Variants in GPC5 observed in about 807,000 individuals in gnomAD.
GPC5 encodes the protein glypican-5.
Under a neutral mutation model 53.9 loss-of-function variants are expected in GPC5, and 47 were observed. That is an observed-to-expected ratio of 0.87 (90% CI 0.69 to 1.11). GPC5 has a LOEUF of 1.11. GPC5 is among the 50% of genes most tolerant of loss of function. The pLI is 0.00. For missense variants in GPC5, 748 were observed against 713.1 expected (o/e 1.05, Z -0.56); for synonymous variants, 286 against 263.3 (o/e 1.09, Z -0.84).
At chr13:92,429,500 C>A (rs1876991493) in intron 7 of GPC5, among the ~76,000 whole-genome samples, 1 of 150,902 alleles carries the variant, frequency 6.6e-6, no homozygotes, top group African/African-American at 2.4e-5. Context: ...TTATAAAATC[C>A]AAATTTTATA....
At chr13:91,758,875 A>G (rs2037351191) in intron 5 of GPC5, among the ~76,000 whole-genome samples, 2 of 152,150 alleles carry the variant, frequency 1.3e-5, no homozygotes, top group African/African-American at 4.8e-5. Flanking sequence ...CATCACCTTA[A>G]TGGACATTTT....
intron 6 of GPC5, among the ~76,000 whole-genome samples, chr13:92,140,235 A>G (rs1157098949): frequency 6.6e-6 from 1 of 152,228 alleles, no homozygotes; most frequent in African/African-American, 2.4e-5. Flanking sequence ...AAGTCATACA[A>G]TTTCTGGAAG....
intron 7 of GPC5, among the ~76,000 whole-genome samples, chr13:92,453,553 A>G (rs1327782959): frequency 6.6e-6 from 1 of 152,232 alleles, no homozygotes; most frequent in Non-Finnish European, 1.5e-5. Context: ...TCAAGTTTCT[A>G]TAATTTCTCA....
rs902295685 is a variant in GPC5, at chr13:92,490,783, T to A, written c.1561+345794T>A. On this transcript the variant is annotated intron_variant, in intron 7 of 7. Coordinates refer to ENST00000377067, the MANE Select transcript of GPC5 (RefSeq NM_004466.6). Reference sequence around the variant, plus strand: ...GTAACAGATAATGAACTAAAAATTTTCTTAAAAATAATTGACTGAAAAGAT... The same window carrying A: ...GTAACAGATAATGAACTAAAAATTTACTTAAAAATAATTGACTGAAAAGAT... Among the ~76,000 whole-genome samples, 12 of 152,264 alleles carry A rather than the reference T, an allele frequency of 7.9e-5. 1 individual carries two copies. Among genetic ancestry groups the A allele is most frequent in the Admixed American group, 7.2e-4 (11 of 15,286 alleles).
chr13:92,596,164 G>A (rs1052358762), intron 7 of GPC5, among the ~76,000 whole-genome samples: 1 of 150,270 alleles, frequency 6.7e-6, no homozygotes, highest in Non-Finnish European at 1.5e-5. Flanking sequence ...AAACAAGGCT[G>A]CACATTTAAC....
intron 7 of GPC5, among the ~76,000 whole-genome samples, chr13:92,618,687 T>TAAAAAAA (rs5805756): frequency 7.2e-6 from 1 of 137,990 alleles, no homozygotes; most frequent in African/African-American, 2.7e-5. Flanking sequence ...TAAAAAATGT[T>TAAAAAAA]AAAAAAAAAA....
chr13:91,624,135 G>A (rs72641479), intron 2 of GPC5, among the ~76,000 whole-genome samples: 7,346 of 152,142 alleles, frequency 0.048, 363 homozygotes, highest in South Asian at 0.23. Flanking sequence ...GGAAACATAA[G>A]CCAACTAAAT....
intron 7 of GPC5, among the ~76,000 whole-genome samples, chr13:92,317,802 C>A (rs1448709921): frequency 1.3e-5 from 2 of 152,070 alleles, no homozygotes; most frequent in Non-Finnish European, 2.9e-5. Context: ...CACCCGGCCC[C>A]TTTTCTGTGT....
intron 7 of GPC5, among the ~76,000 whole-genome samples, chr13:92,440,425 G>T (rs1021291803): frequency 8.5e-5 from 13 of 152,050 alleles, no homozygotes; most frequent in African/African-American, 3.1e-4. Context: ...TGCTGCAAAG[G>T]CGTGATTTTC....
At chr13:92,577,408 A>ATGTG (rs1161636707) in intron 7 of GPC5, among the ~76,000 whole-genome samples, 2 of 118,174 alleles carry the variant, frequency 1.7e-5, no homozygotes, top group African/African-American at 6.5e-5. Context: ...GAATGTAAGT[A>ATGTG]TGTATGTATA....
At chr13:92,195,254 C>A (rs1446814910) in intron 7 of GPC5, among the ~76,000 whole-genome samples, 2 of 152,230 alleles carry the variant, frequency 1.3e-5, no homozygotes, top group Admixed American at 6.5e-5. Context: ...TTCAGTGATA[C>A]ATATGTGCAG....
chr13:91,885,324 T>A (rs1285027581), intron 5 of GPC5, among the ~76,000 whole-genome samples: 1 of 152,230 alleles, frequency 6.6e-6, no homozygotes, highest in Non-Finnish European at 1.5e-5. Flanking sequence ...AGAAGAAAAG[T>A]CTTATCTAAG....
At chr13:92,256,558 T>A (rs2042727659) in intron 7 of GPC5, among the ~76,000 whole-genome samples, 1 of 152,132 alleles carries the variant, frequency 6.6e-6, no homozygotes, top group African/African-American at 2.4e-5. Context: ...TCTTTTTTAT[T>A]TATAATTTTT....
intron 7 of GPC5, among the ~76,000 whole-genome samples, chr13:92,396,710 T>A (rs749333645): frequency 3.9e-5 from 6 of 152,168 alleles, no homozygotes; most frequent in Non-Finnish European, 8.8e-5. Context: ...TGTGTTGTTA[T>A]CTTGCCTTTT....
intron 7 of GPC5, among the ~76,000 whole-genome samples, chr13:92,322,950 A>T (rs762269450): frequency 6.6e-6 from 1 of 152,106 alleles, no homozygotes; most frequent in Non-Finnish European, 1.5e-5. Flanking sequence ...TGTCAGGGAA[A>T]GAGAAGGAGG....
chr13:92,709,017 G>A lies in GPC5; in HGVS notation c.1562-157265G>A, dbSNP rs1419221013. Among the ~76,000 whole-genome samples the A allele has an allele frequency of 2.7e-5, 4 of 149,756 alleles. No homozygotes were observed. The East Asian group carries it at 7.8e-4, about 29-fold the overall frequency. ...CCTGCCTCAGCCTCTCAAGTAGCTG[G>A]GCCTGCAGGCACCCACCACCATCTG... On this transcript the variant is annotated intron_variant, in intron 7 of 7. Transcript: ENST00000377067.
intron 7 of GPC5, among the ~76,000 whole-genome samples, chr13:92,528,361 A>T: frequency 6.6e-6 from 1 of 152,156 alleles, no homozygotes; most frequent in Admixed American, 6.6e-5. Flanking sequence ...CAGAATAAAA[A>T]TTGGCTTAGC....
intron 3 of GPC5, among the ~76,000 whole-genome samples, chr13:91,709,801 C>G (rs2036187672): frequency 6.6e-6 from 1 of 152,218 alleles, no homozygotes; most frequent in African/African-American, 2.4e-5. Context: ...CAATGAATAT[C>G]TGATCATCAA....
At chr13:92,390,296 G>A (rs1299196210) in intron 7 of GPC5, among the ~76,000 whole-genome samples, 1 of 152,140 alleles carries the variant, frequency 6.6e-6, no homozygotes, top group Non-Finnish European at 1.5e-5. Context: ...CCAGTGACTT[G>A]TCTGGATTAG....
Sources: gnomAD v4.1 joint callset for allele counts (sites outside exome capture counted in the v4.1 genomes callset) on GRCh38, gnomAD v4.1.1 for gene constraint, MANE v1.5 for transcripts, NCBI Gene and HGNC (gene_info 2026-07-23, HGNC 2026-07-21) for gene names.